The following PPP1R13B variants were observed in gnomAD, a reference collection of about 807,000 sequenced individuals.
PPP1R13B encodes protein phosphatase 1 regulatory subunit 13B.
In PPP1R13B, 44 loss-of-function variants were observed where a neutral mutation model predicts 119.8. That is an observed-to-expected ratio of 0.37 (90% CI 0.29 to 0.47). The LOEUF (loss-of-function observed/expected upper bound fraction) is 0.47. Ranked by LOEUF, PPP1R13B falls within the 20% of genes least tolerant of loss-of-function variation. PPP1R13B has a pLI of 0.99. For synonymous variants in PPP1R13B, 542 were observed against 561.5 expected, an observed-to-expected ratio of 0.97 and a Z score of 0.49; for missense variants, 1,227 against 1,413.5, an observed-to-expected ratio of 0.87 and a Z score of 2.12.
At chr14:103,840,514 C>A (rs543664351) in intron 1 of PPP1R13B, among the ~76,000 whole-genome samples, 1 of 152,108 alleles carries the variant, frequency 6.6e-6, no homozygotes, top group Non-Finnish European at 1.5e-5. Context: ...TTTGGCAGGG[C>A]GCAGTGGCTC....
At chr14:103,809,065 C>T (rs1243601138) in intron 1 of PPP1R13B, among the ~76,000 whole-genome samples, 1 of 152,070 alleles carries the variant, frequency 6.6e-6, no homozygotes, top group Non-Finnish European at 1.5e-5. Flanking sequence ...GGTCTATGCC[C>T]AGGCTGGTCT....
intron 1 of PPP1R13B, among the ~76,000 whole-genome samples, chr14:103,805,386 C>A (rs1193964394): frequency 6.6e-6 from 1 of 151,884 alleles, no homozygotes; most frequent in Non-Finnish European, 1.5e-5. Flanking sequence ...GCCTGGGAAA[C>A]ATAACAAAAC....
At position 103,779,147 on chromosome 14, in the gene PPP1R13B, G is replaced by A. The variant is rs148286110; in HGVS notation, c.278-326C>T. Among the ~76,000 whole-genome samples, 500 of 149,832 alleles carry A rather than the reference G, an allele frequency of 3.3e-3. 2 individuals carry two copies. Among genetic ancestry groups the A allele is most frequent in the African/African-American group, 0.012 (471 of 40,546 alleles). ...CACAATAAATATTTTAAAATTAGCC[G>A]GGTATGGTGGTGCACCCTGTAGTCT... On this transcript the variant is annotated intron_variant, in intron 3 of 16. Coordinates refer to ENST00000202556, the MANE Select transcript of PPP1R13B (RefSeq NM_015316.3).
At position 103,757,657 on chromosome 14, in the gene PPP1R13B, A is replaced by G; in HGVS notation, c.449T>C (p.Val150Ala). The G allele has an allele frequency of 6.2e-7, 1 of 1,613,968 alleles. No homozygotes were observed. The highest frequency in any genetic ancestry group is 1.1e-5 in the South Asian group (1 of 91,030). The change falls in exon 5 of 17, where the codon GTT becomes GCT. Residue 150 changes from valine (V) to alanine (A), a missense_variant. Physicochemically the swap from Val to Ala is moderately conservative, Grantham distance 64. Transcript: ENST00000202556. The part of the protein sequence containing the change: ...QQIENQQQML[V>A]AKEQRLHFLK... ...CCTCTTTTTATAACTTACCTTGGCA[A>G]CCAACATCTGCTGCTGATTTTCAAT...
chr14:103,830,515 T>C (rs1248631238), intron 1 of PPP1R13B, among the ~76,000 whole-genome samples: 1 of 152,180 alleles, frequency 6.6e-6, no homozygotes, highest in Non-Finnish European at 1.5e-5. Context: ...ATTAAGTAAC[T>C]CACCCAAGAT....
In PPP1R13B at chr14:103,740,541, C is replaced by A; in HGVS notation, c.1875G>T (p.Pro625=). 1 of 1,568,002 alleles carries A rather than the reference C, an allele frequency of 6.4e-7. No individual in the cohort carries two copies. The highest frequency in any genetic ancestry group is 8.7e-7 in the Non-Finnish European group (1 of 1,153,722). The change falls in exon 12 of 17, where the codon CCG becomes CCT. Residue 625 remains proline (P), a synonymous_variant. Transcript: ENST00000202556. This position sits in a 1 kb window ranked among gnomAD's most constrained non-coding sequence, Gnocchi z 4.6. ...CCGTGGACAGTGACCCGTGAAGAAA[C>A]GGCAGCGGCGATGGAGAGGTTGAAC... ...PSGSTSPSPL[P]FLHGSLSTGT... is the part of the protein sequence containing the mutation.
At chr14:103,796,125 C>T (rs917215826) in intron 2 of PPP1R13B, among the ~76,000 whole-genome samples, 7 of 151,840 alleles carry the variant, frequency 4.6e-5, no homozygotes, top group Admixed American at 6.6e-5. Context: ...AACCCTGTTT[C>T]TACAAAAATT....
At chr14:103,771,797 GA>G (rs1026974207) in intron 4 of PPP1R13B, among the ~76,000 whole-genome samples, 4 of 152,058 alleles carry the variant, frequency 2.6e-5, no homozygotes, top group African/African-American at 4.8e-5. Context: ...TTCTAGAAGT[GA>G]AAATTTTAAT....
chr14:103,814,345 T>C (rs2086229124), intron 1 of PPP1R13B, among the ~76,000 whole-genome samples: 2 of 152,148 alleles, frequency 1.3e-5, no homozygotes, highest in African/African-American at 4.8e-5. Flanking sequence ...CAAGACTCCG[T>C]CTCAAAATAA....
chr14:103,778,609 T>C (rs1047656879), intron 4 of PPP1R13B, 136 bp downstream of exon 4: 11 of 690,454 alleles, frequency 1.6e-5, no homozygotes, highest in Non-Finnish European at 2.8e-5. Flanking sequence ...TCTCACCATC[T>C]TGCTCCAGCT....
intron 2 of PPP1R13B, among the ~76,000 whole-genome samples, chr14:103,789,719 G>A (rs1595776094): frequency 1.3e-5 from 2 of 151,798 alleles, no homozygotes; most frequent in African/African-American, 2.4e-5. Context: ...TCACCATGTC[G>A]GCCAGGCTGG....
intron 1 of PPP1R13B, among the ~76,000 whole-genome samples, chr14:103,846,381 C>G (rs1308487130): frequency 6.6e-6 from 1 of 152,214 alleles, no homozygotes; most frequent in Non-Finnish European, 1.5e-5. Flanking sequence ...TGCAGGGAAA[C>G]TGCACTTTCC....
At position 103,746,291 on chromosome 14, in the gene PPP1R13B, T is replaced by TGGGGGGGGGGGGGGGGGGGGGGGG; in HGVS notation, c.1150+81_1150+82insCCCCCCCCCCCCCCCCCCCCCCCC. On this transcript the variant is annotated intron_variant, in intron 9 of 16. Coordinates refer to ENST00000202556, the MANE Select transcript of PPP1R13B (RefSeq NM_015316.3). ...TGTGTGGGGCAGAGCCTCAGGAGCC[T>TGGGGGGGGGGGGGGGGGGGGGGGG]GCCCCACCCCCCGCCCCTCCACCGC... is the stretch of plus-strand genomic sequence containing the variant. 4.0e-5 allele frequency: 11 copies of TGGGGGGGGGGGGGGGGGGGGGGGG among 272,100 alleles called. 2 individuals are homozygous for TGGGGGGGGGGGGGGGGGGGGGGGG. The highest frequency in any genetic ancestry group is 9.6e-5 in the East Asian group (1 of 10,450). 16.9% of individuals were successfully genotyped at this position (272,100 alleles called of 1,614,324 possible). A position where few individuals can be genotyped will look rare whatever the true frequency, so the allele number is the denominator to read the frequency against.
At chr14:103,794,338 T>C (rs1346853200) in intron 2 of PPP1R13B, among the ~76,000 whole-genome samples, 1 of 151,624 alleles carries the variant, frequency 6.6e-6, no homozygotes, top group Non-Finnish European at 1.5e-5. Context: ...GTTTTTTTTT[T>C]TTTTTGAGAT....
intron 2 of PPP1R13B, among the ~76,000 whole-genome samples, chr14:103,790,515 G>A (rs185699720): frequency 8.5e-5 from 13 of 152,220 alleles, no homozygotes; most frequent in Non-Finnish European, 1.2e-4. Context: ...GGTGGCCCAC[G>A]GCTGTAATCC....
chr14:103,777,050 T>A (rs951077318), intron 4 of PPP1R13B, among the ~76,000 whole-genome samples: 2 of 151,854 alleles, frequency 1.3e-5, no homozygotes, highest in African/African-American at 4.8e-5. Flanking sequence ...TGGAGTGCAG[T>A]GGCACGATCT....
In PPP1R13B at chr14:103,784,817, G is replaced by A. The variant is rs767142810; in HGVS notation, c.255C>T (p.Ser85=). The A allele has an allele frequency of 6.2e-7, 1 of 1,608,694 alleles. No individual in the cohort carries two copies. Among genetic ancestry groups the A allele is most frequent in the East Asian group, 2.2e-5 (1 of 44,744 alleles). The change falls in exon 3 of 17, where the codon TCC becomes TCT. Residue 85 remains serine, a synonymous_variant. Transcript: ENST00000202556. ...EVKFFLRHED[S]PTENSEQGGR... ...TACCTTGTTCACTGTTCTCAGTTGG[G>A]GAGTCCTCGTGTCGAAGGAAAAATT...
chr14:103,741,708 C>T (rs1036518639), intron 11 of PPP1R13B, 82 bp downstream of exon 11: 15 of 1,477,588 alleles, frequency 1.0e-5, no homozygotes, highest in Middle Eastern at 2.3e-4. Context: ...GTGGCCCAAA[C>T]GTAAAGAAAT....
At position 103,734,991 on chromosome 14, in the gene PPP1R13B, G is replaced by C. The variant is rs757003665; in HGVS notation, c.*163C>G. ...CCAGTTAATGGGCAAACTGGAGAAAGGGCCTCACCTGGAAACTGTAGGATT... is the reference window on the plus strand; with the variant it reads ...CCAGTTAATGGGCAAACTGGAGAAACGGCCTCACCTGGAAACTGTAGGATT... On this transcript the variant is annotated 3_prime_UTR_variant, in exon 17 of 17. Coordinates refer to ENST00000202556, the MANE Select transcript of PPP1R13B (RefSeq NM_015316.3). 7 of 813,184 alleles carry C rather than the reference G, an allele frequency of 8.6e-6. No individual in the cohort carries two copies. The highest frequency in any genetic ancestry group is 1.5e-5 in the Non-Finnish European group (7 of 480,418). The allele number at this position is 813,184 out of a possible 1,614,324, so 50.4% of individuals were successfully genotyped here.
Sources: gnomAD v4.1 joint callset for allele counts (sites outside exome capture counted in the v4.1 genomes callset) on GRCh38, gnomAD v4.1.1 for gene constraint, Gnocchi (gnomAD v3.1) non-coding constraint, MANE v1.5 for transcripts, NCBI Gene and HGNC (gene_info 2026-07-23, HGNC 2026-07-21) for gene names.